ITGA9: variants seen among roughly 807,000 people sequenced by gnomAD.
ITGA9 encodes the protein integrin subunit alpha 9.
In ITGA9, 56 loss-of-function variants were observed where a neutral mutation model predicts 127.8. The ratio of observed to expected loss-of-function variants is 0.44; its 90% CI spans 0.35 to 0.55. The LOEUF (loss-of-function observed/expected upper bound fraction) is 0.55. ITGA9 is among the 20% of genes least tolerant of loss of function. The pLI is 0.00. For synonymous variants in ITGA9, 508 were observed against 514.5 expected (o/e 0.99, Z 0.17); for missense variants, 1,196 against 1,347.1 (o/e 0.89, Z 1.76).
In ITGA9 at chr3:37,541,379, A is replaced by C. The variant is rs150165635; in HGVS notation, c.1529-1046A>C. 9.8e-5 allele frequency among the ~76,000 whole-genome samples: 15 copies of C among 152,344 alleles called. No individual in the cohort carries two copies. In the East Asian group the frequency reaches 1.9e-3, roughly 20 times the overall value. On this transcript the variant is annotated intron_variant, in intron 14 of 27. Coordinates refer to ENST00000264741, the MANE Select transcript of ITGA9 (RefSeq NM_002207.3). ...AGTTAAAAAATAAAAAGGGTTACGGAGGGGATGACCTCTGGCACAGAAAAG... is the reference window on the plus strand; with the variant it reads ...AGTTAAAAAATAAAAAGGGTTACGGCGGGGATGACCTCTGGCACAGAAAAG...
At chr3:37,675,443 A>G (rs1185467364) in intron 17 of ITGA9, among the ~76,000 whole-genome samples, 1 of 152,144 alleles carries the variant, frequency 6.6e-6, no homozygotes, top group African/African-American at 2.4e-5. Flanking sequence ...GGAATAAACA[A>G]CTTGCTTTCA....
chr3:37,784,434 C>G (rs1052879172), intron 25 of ITGA9, among the ~76,000 whole-genome samples: 24 of 152,080 alleles, frequency 1.6e-4, no homozygotes, highest in Admixed American at 1.5e-3. Flanking sequence ...AGATATTTAC[C>G]CCTTCCCCAT....
In ITGA9 at chr3:37,452,978, G is replaced by C. The variant is rs1162402711; in HGVS notation, c.185+419G>C. Among the ~76,000 whole-genome samples, 28 of 152,358 alleles carry C rather than the reference G, an allele frequency of 1.8e-4. No homozygotes were observed. Among genetic ancestry groups the C allele is most frequent in the Non-Finnish European group, 1.3e-4 (9 of 68,020 alleles). On this transcript the variant is annotated intron_variant, in intron 1 of 27. Transcript: ENST00000264741. The surrounding 1 kb of genome is among the most constrained non-coding windows in gnomAD (Gnocchi z 7.3). ...AGGGCCTGGAGGAGTCGGGGCACTG[G>C]AGCTGCACCCCTCCCCGGTTTTGGG...
At chr3:37,702,020 C>T (rs1439220896) in intron 18 of ITGA9, among the ~76,000 whole-genome samples, 5 of 152,082 alleles carry the variant, frequency 3.3e-5, no homozygotes, top group Admixed American at 6.6e-5. Context: ...GAGTGTGGCT[C>T]AGGGCCCAGG....
intron 18 of ITGA9, among the ~76,000 whole-genome samples, chr3:37,708,386 G>A (rs913688708): frequency 2.6e-5 from 4 of 152,190 alleles, no homozygotes; most frequent in Non-Finnish European, 5.9e-5. Flanking sequence ...CAAGGTGGGG[G>A]AATAAAATCT....
At chr3:37,759,383 A>G (rs1696696235) in intron 23 of ITGA9, among the ~76,000 whole-genome samples, 1 of 152,228 alleles carries the variant, frequency 6.6e-6, no homozygotes, top group Admixed American at 6.5e-5. Context: ...AACAGTTAAT[A>G]AAAACTGAGG....
intron 18 of ITGA9, among the ~76,000 whole-genome samples, chr3:37,685,640 A>G (rs1043800124): frequency 2.6e-5 from 4 of 152,140 alleles, no homozygotes; most frequent in African/African-American, 7.2e-5. Context: ...GAAAAGATGT[A>G]ATTGGCAACT....
chr3:37,722,431 A>G (rs1034022055), intron 18 of ITGA9, among the ~76,000 whole-genome samples: 3 of 152,312 alleles, frequency 2.0e-5, no homozygotes, highest in Middle Eastern at 3.4e-3. Flanking sequence ...CATTACCTCA[A>G]AAAGAACCAC....
intron 15 of ITGA9, among the ~76,000 whole-genome samples, chr3:37,558,087 G>A (rs902363026): frequency 1.1e-4 from 17 of 152,318 alleles, no homozygotes; most frequent in Middle Eastern, 3.4e-3. Context: ...CTTTTCAGCC[G>A]CTCCTGTGCA....
chr3:37,498,660 T>G (rs1698756895), intron 5 of ITGA9, among the ~76,000 whole-genome samples: 1 of 152,132 alleles, frequency 6.6e-6, no homozygotes, highest in Admixed American at 6.5e-5. Flanking sequence ...ACATGGTGGG[T>G]GTACAGAGTG....
chr3:37,759,077 CCACA>C (rs10565669), intron 23 of ITGA9, among the ~76,000 whole-genome samples: 58 of 146,156 alleles, frequency 4.0e-4, no homozygotes, highest in East Asian at 3.2e-3. Context: ...ATATATATAC[CCACA>C]CACACACACA....
chr3:37,640,945 C>G (rs376451039), intron 16 of ITGA9, among the ~76,000 whole-genome samples: 22 of 152,288 alleles, frequency 1.4e-4, no homozygotes, highest in African/African-American at 4.6e-4. Flanking sequence ...CCTGGGAAGC[C>G]GGCTTCCTGG....
chr3:37,588,652 G>C (rs1230813827), intron 15 of ITGA9, among the ~76,000 whole-genome samples: 2 of 152,206 alleles, frequency 1.3e-5, no homozygotes, highest in Non-Finnish European at 2.9e-5. Context: ...AAATAACCAG[G>C]AGGGTCTCCT....
In ITGA9 at chr3:37,598,881, G is replaced by A. The variant is rs571637160; in HGVS notation, c.1690-30306G>A. Among the ~76,000 whole-genome samples, 358 of 152,280 alleles carry A rather than the reference G, an allele frequency of 2.4e-3. 1 individual carries two copies. Among genetic ancestry groups the A allele is most frequent in the African/African-American group, 8.1e-3 (337 of 41,562 alleles). On this transcript the variant is annotated intron_variant, in intron 15 of 27. Coordinates refer to ENST00000264741, the MANE Select transcript of ITGA9 (RefSeq NM_002207.3). ...TTGGCATGTGTGTTTTAAAGGATCC[G>A]TGGGTTTGTGGGGAGGGCTGCACCA...
chr3:37,692,412 A>AGAGTGTGT lies in ITGA9; in HGVS notation c.2067+8398_2067+8399insAGTGTGTG, dbSNP rs1553658497. Reference sequence around the variant, plus strand: ...TAATGAAGGATTGAGAGAGAGAGAGAGTGTGTGTGTGTGTGTGTGTGTGTG... The same window carrying AGAGTGTGT: ...TAATGAAGGATTGAGAGAGAGAGAGAGAGTGTGTGTGTGTGTGTGTGTGTGTGTGTGTG... On this transcript the variant is annotated intron_variant, in intron 18 of 27. Coordinates refer to ENST00000264741, the MANE Select transcript of ITGA9 (RefSeq NM_002207.3). 2.3e-3 allele frequency among the ~76,000 whole-genome samples: 339 copies of AGAGTGTGT among 146,070 alleles called. 4 individuals carry two copies. The highest frequency in any genetic ancestry group is 8.1e-3 in the African/African-American group (320 of 39,586).
intron 1 of ITGA9, among the ~76,000 whole-genome samples, chr3:37,464,471 G>T (rs1003490555): frequency 5.9e-5 from 9 of 152,016 alleles, no homozygotes; most frequent in African/African-American, 1.9e-4. Flanking sequence ...ACTATGATGG[G>T]TGTTTTATAA....
In ITGA9 at chr3:37,803,810, C is replaced by T. The variant is rs1297028657; in HGVS notation, c.2890-13C>T. The T allele has an allele frequency of 6.2e-6, 10 of 1,613,916 alleles. No individual in the cohort carries two copies. The highest frequency in any genetic ancestry group is 2.2e-5 in the East Asian group (1 of 44,868). On this transcript the variant is annotated splice_polypyrimidine_tract_variant and intron_variant, in intron 26 of 27. Transcript: ENST00000264741. ...AAAAAAGGAAATGTTTTCACTGTTG[C>T]GTTGCCTCCTAGGTGGTCTTCGAGG...
rs1358507608 is a variant in ITGA9 at position 37,517,585 on chromosome 3, G to T, written c.1117G>T (p.Asp373Tyr). The T allele has an allele frequency of 6.3e-7, 1 of 1,589,148 alleles. No individual in the cohort carries two copies. Among genetic ancestry groups the T allele is most frequent in the South Asian group, 1.2e-5 (1 of 86,540 alleles). Residue 373 changes from aspartate (D) to tyrosine (Y), a missense_variant, in exon 10 of 28, where the codon GAT (aspartate) becomes TAT (tyrosine). By Grantham distance (160) the Asp-to-Tyr change is radical (BLOSUM62 -3). Transcript: ENST00000264741. ...TGGAGAGAGCATTGCCAGCCTGGAC[G>T]ATCTGGACAATGATGGGTTCCCAGG... is the stretch of plus-strand genomic sequence containing the variant. Reference protein sequence around the residue: ...HFGESIASLDDLDNDGFPDVA... With the variant: ...HFGESIASLDYLDNDGFPDVA...
At chr3:37,465,570 C>G (rs533919332) in intron 1 of ITGA9, among the ~76,000 whole-genome samples, 4 of 152,296 alleles carry the variant, frequency 2.6e-5, no homozygotes, top group African/African-American at 9.6e-5. Flanking sequence ...GTGAGCATAA[C>G]CAGTGTTGGT....
Sources: gnomAD v4.1 joint callset for allele counts (sites outside exome capture counted in the v4.1 genomes callset) on GRCh38, gnomAD v4.1.1 for gene constraint, Gnocchi (gnomAD v3.1) non-coding constraint, MANE v1.5 for transcripts, NCBI Gene and HGNC (gene_info 2026-07-23, HGNC 2026-07-21) for gene names.